The following CDH4 variants were observed in gnomAD, a reference collection of about 807,000 sequenced individuals.
CDH4 encodes cadherin-4.
In CDH4, 33 loss-of-function variants were observed where a neutral mutation model predicts 86.0. The observed-to-expected ratio is 0.38, with a 90% CI of 0.29 to 0.51. The LOEUF (loss-of-function observed/expected upper bound fraction) is 0.51, where lower values mean the gene tolerates loss of function less well. Ranked by LOEUF, CDH4 falls within the 20% of genes least tolerant of loss-of-function variation. The pLI is 0.86. For synonymous variants in CDH4, 555 were observed against 549.4 expected (o/e 1.01, Z -0.14); for missense variants, 1,114 against 1,307.4 (o/e 0.85, Z 2.28).
intron 9 of CDH4, among the ~76,000 whole-genome samples, chr20:61,918,377 AGTG>A (rs1352635814): frequency 1.3e-5 from 2 of 152,192 alleles, no homozygotes; most frequent in Admixed American, 6.5e-5. Context: ...GGGCCTGGGC[AGTG>A]GTGGTGAACA....
At chr20:61,898,546 G>A (rs999436147) in intron 8 of CDH4, among the ~76,000 whole-genome samples, 16 of 152,132 alleles carry the variant, frequency 1.1e-4, no homozygotes, top group African/African-American at 3.6e-4. Flanking sequence ...ACAGCACAGA[G>A]TGACCCTGGA....
intron 2 of CDH4, chr20:61,499,513 G>GA (rs1568866352): frequency 7.8e-7 from 1 of 1,288,956 alleles, no homozygotes; most frequent in East Asian, 5.6e-5. Flanking sequence ...GTGTGCTAGG[G>GA]GGGCTTAGGG....
At chr20:61,303,228 C>T (rs1231337108) in intron 2 of CDH4, among the ~76,000 whole-genome samples, 2 of 152,168 alleles carry the variant, frequency 1.3e-5, no homozygotes, top group Non-Finnish European at 2.9e-5. Flanking sequence ...GGTACCCAGG[C>T]GTTCTTGTGA....
intron 5 of CDH4, among the ~76,000 whole-genome samples, chr20:61,852,276 C>T (rs1316037208): frequency 2.0e-5 from 3 of 152,216 alleles, no homozygotes; most frequent in Admixed American, 2.0e-4. Context: ...GGCCCTTGCA[C>T]ACCCCGACCT....
intron 2 of CDH4, among the ~76,000 whole-genome samples, chr20:61,329,760 C>T (rs994705191): frequency 9.2e-5 from 14 of 152,074 alleles, no homozygotes; most frequent in Non-Finnish European, 1.9e-4. Flanking sequence ...AAGCATGTGC[C>T]GTGGTGGTTT....
intron 6 of CDH4, among the ~76,000 whole-genome samples, chr20:61,864,760 C>T (rs1157464366): frequency 1.3e-5 from 2 of 152,204 alleles, no homozygotes; most frequent in Non-Finnish European, 2.9e-5. Flanking sequence ...CGATTATCTC[C>T]ACCCATCATT....
In CDH4 at chr20:61,773,086, C is replaced by T. The variant is rs149210026; in HGVS notation, c.480C>T (p.Asn160=). The T allele has an allele frequency of 1.9e-6, 3 of 1,613,412 alleles. No homozygotes were observed. Among genetic ancestry groups the T allele is most frequent in the Non-Finnish European group, 2.5e-6 (3 of 1,179,912 alleles). ...DTLLPWPQHQ[N]ANGLRRRKRD... ...TGCTGCCGTGGCCCCAGCACCAGAA[C>T]GCCAACGGGCTGAGGCGGCGCAAAC... Residue 160 remains asparagine, a synonymous_variant, in exon 4 of 16, where the codon AAC becomes AAT. Coordinates refer to ENST00000614565, the MANE Select transcript of CDH4 (RefSeq NM_001794.5).
chr20:61,851,004 A>ATTACTT (rs201931998), intron 5 of CDH4, among the ~76,000 whole-genome samples: 1,897 of 152,282 alleles, frequency 0.012, 33 homozygotes, highest in African/African-American at 0.043. Flanking sequence ...TTAGCTCAGA[A>ATTACTT]TTACTTTTCC....
At chr20:61,354,889 C>A (rs564410380) in intron 2 of CDH4, among the ~76,000 whole-genome samples, 1 of 152,342 alleles carries the variant, frequency 6.6e-6, no homozygotes, top group Admixed American at 6.5e-5. Flanking sequence ...GAGCCTCTCT[C>A]TGGCTGCCGA....
intron 2 of CDH4, among the ~76,000 whole-genome samples, chr20:61,502,312 G>A (rs749892464): frequency 1.3e-5 from 2 of 152,074 alleles, no homozygotes; most frequent in African/African-American, 4.8e-5. Flanking sequence ...CTACTTTGTC[G>A]TTTTTCCTGA....
At chr20:61,577,178 ATG>A (rs1274810433) in intron 2 of CDH4, among the ~76,000 whole-genome samples, 5 of 152,094 alleles carry the variant, frequency 3.3e-5, no homozygotes, top group South Asian at 2.1e-4. Flanking sequence ...GGATGAGTGT[ATG>A]TGTGTGTACT....
intron 3 of CDH4, among the ~76,000 whole-genome samples, chr20:61,764,769 C>A (rs2088679447): frequency 6.6e-6 from 1 of 152,188 alleles, no homozygotes; most frequent in East Asian, 1.9e-4. Context: ...ACTCCTATCC[C>A]CACTGCTGCC....
chr20:61,418,167 G>T (rs976769247), intron 2 of CDH4, among the ~76,000 whole-genome samples: 2 of 151,746 alleles, frequency 1.3e-5, no homozygotes, highest in Non-Finnish European at 2.9e-5. Flanking sequence ...GAAAGTGAAA[G>T]ATGAGTTTGC....
chr20:61,539,931 G>T (rs1306567711), intron 2 of CDH4, among the ~76,000 whole-genome samples: 1 of 141,540 alleles, frequency 7.1e-6, no homozygotes, highest in Non-Finnish European at 1.5e-5. Flanking sequence ...TGTGGACTCT[G>T]TGTGCTCACC....
chr20:61,865,163 C>T (rs1017639135), intron 6 of CDH4, among the ~76,000 whole-genome samples: 9 of 152,124 alleles, frequency 5.9e-5, no homozygotes, highest in Admixed American at 5.2e-4. Context: ...CTGCATCCCT[C>T]GCTGCATCCG....
rs183190011 is a variant in CDH4, at chr20:61,344,364, T to C, written c.169+89427T>C. 3.5e-3 allele frequency among the ~76,000 whole-genome samples: 539 copies of C among 152,324 alleles called. 3 individuals carry two copies. The highest frequency in any genetic ancestry group is 0.012 in the African/African-American group (498 of 41,572). ...GGAATTACTGCAGGACTGGAATGAC[T>C]TGGCTGGTCTGTCAGGCTTTTCTGT... On this transcript the variant is annotated intron_variant, in intron 2 of 15. Coordinates refer to ENST00000614565, the MANE Select transcript of CDH4 (RefSeq NM_001794.5).
Position 61,590,876 on chromosome 20 carries a change from T to TGCGGG in CDH4, c.170-152686_170-152685insCGGGG, listed in dbSNP as rs535456574. On this transcript the variant is annotated intron_variant, in intron 2 of 15. Transcript: ENST00000614565. ...CAAAGCCTTGTCTTCCCTAAATCTA[T>TGCGGG]GGGGGGGGGGGTCCCCGGGTCTCCA... 1.6e-3 allele frequency among the ~76,000 whole-genome samples: 214 copies of TGCGGG among 137,540 alleles called. 5 individuals carry two copies. The highest frequency in any genetic ancestry group is 4.5e-3 in the South Asian group (18 of 4,038). 90.2% of individuals were successfully genotyped at this position (137,540 alleles called of 152,430 possible). A position where few individuals can be genotyped will look rare whatever the true frequency, so the allele number is the denominator to read the frequency against.
intron 4 of CDH4, among the ~76,000 whole-genome samples, chr20:61,804,960 G>A (rs1032623077): frequency 6.6e-6 from 1 of 152,208 alleles, no homozygotes; most frequent in African/African-American, 2.4e-5. Context: ...GTCAGCAGGC[G>A]CTTTCCCCTC....
chr20:61,523,930 G>A lies in CDH4; in HGVS notation c.170-219633G>A, dbSNP rs995102928. Reference sequence around the variant, plus strand: ...AAGAGCTATTTGATGGACAACACCCGCCACTTTGCTTGGATGGTGTTATAT... The same window carrying A: ...AAGAGCTATTTGATGGACAACACCCACCACTTTGCTTGGATGGTGTTATAT... On this transcript the variant is annotated intron_variant, in intron 2 of 15. Coordinates refer to ENST00000614565, the MANE Select transcript of CDH4 (RefSeq NM_001794.5). Among the ~76,000 whole-genome samples the A allele has an allele frequency of 7.9e-5, 12 of 152,188 alleles. No individual in the cohort carries two copies. The South Asian group carries it at 1.0e-3, about 13-fold the overall frequency.
Sources: gnomAD v4.1 joint callset for allele counts (sites outside exome capture counted in the v4.1 genomes callset) on GRCh38, gnomAD v4.1.1 for gene constraint, MANE v1.5 for transcripts, NCBI Gene and HGNC (gene_info 2026-07-23, HGNC 2026-07-21) for gene names.